Variants in CSMD1 observed in about 807,000 individuals in gnomAD.
CSMD1 encodes CUB and sushi domain-containing protein 1.
A neutral mutation model predicts 417.5 loss-of-function variants in CSMD1; 213 were observed. That is an observed-to-expected ratio of 0.51 (90% confidence interval 0.46 to 0.57). The LOEUF (loss-of-function observed/expected upper bound fraction) is 0.57, where lower values mean the gene tolerates loss of function less well. CSMD1 is among the 20% of genes least tolerant of loss of function. CSMD1 has a pLI of 0.00. For synonymous variants in CSMD1, 2,862 were observed against 1,736.8 expected (o/e 1.65, Z -16.11); for missense variants, 6,923 against 4,529.7 (o/e 1.53, Z -15.17).
intron 25 of CSMD1, among the ~76,000 whole-genome samples, chr8:3,299,730 C>G (rs1245362234): frequency 6.6e-6 from 1 of 152,040 alleles, no homozygotes; most frequent in Non-Finnish European, 1.5e-5. Flanking sequence ...AGTCACTAAC[C>G]AAATGTATTC....
At chr8:3,290,668 T>G (rs1054194662) in intron 25 of CSMD1, among the ~76,000 whole-genome samples, 3 of 147,436 alleles carry the variant, frequency 2.0e-5, no homozygotes, top group Non-Finnish European at 4.4e-5. Flanking sequence ...TTTTTGCACA[T>G]TGATTTTGTA....
At chr8:3,919,305 A>G (rs2129143175) in intron 5 of CSMD1, among the ~76,000 whole-genome samples, 1 of 151,782 alleles carries the variant, frequency 6.6e-6, no homozygotes, top group South Asian at 2.1e-4. Flanking sequence ...GAAGTCCTTC[A>G]TCAATTTTGT....
intron 3 of CSMD1, among the ~76,000 whole-genome samples, chr8:4,249,905 C>T (rs1028236272): frequency 1.3e-5 from 2 of 152,134 alleles, no homozygotes; most frequent in Non-Finnish European, 2.9e-5. Context: ...GTGCTAGAAG[C>T]TGGGAGCTCC....
rs1356205758 is a variant in CSMD1 at position 3,607,858 on chromosome 8, G to C, written c.1097+8852C>G. Reference sequence around the variant, plus strand: ...GTGGCAGAAAGGAGATGATACTTGAGGAAGAACATGACTAAGAAGTAAAGG... The same window carrying C: ...GTGGCAGAAAGGAGATGATACTTGACGAAGAACATGACTAAGAAGTAAAGG... On this transcript the variant is annotated intron_variant, in intron 8 of 69. Coordinates refer to ENST00000635120, the MANE Select transcript of CSMD1 (RefSeq NM_033225.6). Among the ~76,000 whole-genome samples, 3 of 152,096 alleles carry C rather than the reference G, an allele frequency of 2.0e-5. No homozygotes were observed. The East Asian group carries it at 5.8e-4, about 29-fold the overall frequency.
chr8:4,631,273 A>G (rs1802496081), intron 2 of CSMD1, among the ~76,000 whole-genome samples: 1 of 152,102 alleles, frequency 6.6e-6, no homozygotes, highest in Admixed American at 6.6e-5. Flanking sequence ...GAGGCAGGAG[A>G]ATCGCTGGAA....
chr8:3,984,965 G>C (rs67915099), intron 5 of CSMD1, among the ~76,000 whole-genome samples: 42,174 of 151,732 alleles, frequency 0.28, 5,916 homozygotes, highest in East Asian at 0.39. Context: ...ATTTGGTGAA[G>C]ACTTGGGAAA....
At chr8:4,115,428 T>C (rs1013655657) in intron 3 of CSMD1, among the ~76,000 whole-genome samples, 80 of 152,232 alleles carry the variant, frequency 5.3e-4, no homozygotes, top group African/African-American at 1.9e-3. Flanking sequence ...CATTTTATAG[T>C]CTAAAACTGA....
chr8:4,705,217 T>C (rs755892713), intron 1 of CSMD1, among the ~76,000 whole-genome samples: 1 of 152,186 alleles, frequency 6.6e-6, no homozygotes, highest in African/African-American at 2.4e-5. Flanking sequence ...GTGAGTCAAT[T>C]AGACCTCCTT....
At chr8:4,973,760 C>T (rs574238807) in intron 1 of CSMD1, among the ~76,000 whole-genome samples, 1 of 151,996 alleles carries the variant, frequency 6.6e-6, no homozygotes, top group South Asian at 2.1e-4. Flanking sequence ...TTTTATTCAC[C>T]CAAAGATGTA....
intron 1 of CSMD1, among the ~76,000 whole-genome samples, chr8:4,974,520 CATA>C (rs35830130): frequency 0.47 from 70,975 of 151,602 alleles, 17,290 homozygotes; most frequent in Middle Eastern, 0.58. Context: ...TTATTTTTAA[CATA>C]ATAACGTGAG....
Position 3,708,240 on chromosome 8 carries a change from G to T in CSMD1, c.1009+174C>A, listed in dbSNP as rs558582138. ...GTTAGAACCACCACGACATTCCTCC[G>T]TAACAAAGTGAAGTTAGTGCATGTT... On this transcript the variant is annotated intron_variant, in intron 7 of 69. Transcript: ENST00000635120. Among the ~76,000 whole-genome samples, 195 of 152,248 alleles carry T rather than the reference G, an allele frequency of 1.3e-3. 3 individuals are homozygous for T. The highest frequency in any genetic ancestry group is 3.4e-3 in the Middle Eastern group (1 of 294).
chr8:4,154,135 G>T (rs184573994), intron 3 of CSMD1, among the ~76,000 whole-genome samples: 1 of 152,172 alleles, frequency 6.6e-6, no homozygotes, highest in Non-Finnish European at 1.5e-5. Context: ...TGCGACAGCT[G>T]AGGGTGAGAT....
At chr8:4,950,721 G>C (rs7004535) in intron 1 of CSMD1, among the ~76,000 whole-genome samples, 131,318 of 152,098 alleles carry the variant, frequency 0.86, 57,732 homozygotes, top group Non-Finnish European at 0.96. Context: ...GTTGGTCATT[G>C]AATACCACGC....
intron 12 of CSMD1, among the ~76,000 whole-genome samples, chr8:3,447,717 T>C (rs1008261963): frequency 1.4e-4 from 21 of 152,188 alleles, no homozygotes; most frequent in African/African-American, 4.6e-4. Flanking sequence ...TTCAGCCCTG[T>C]TGCAGGGATG....
chr8:4,917,451 G>A (rs1202428675), intron 1 of CSMD1, among the ~76,000 whole-genome samples: 4 of 152,024 alleles, frequency 2.6e-5, no homozygotes, highest in African/African-American at 4.8e-5. Flanking sequence ...TGGCTAACAC[G>A]GTGAAACTCC....
Position 3,795,326 on chromosome 8 carries a change from GATATCTATCATGTAGATATAGATAT to G in CSMD1, c.819-41309_819-41285del, listed in dbSNP as rs1262611953. On this transcript the variant is annotated intron_variant, in intron 5 of 69. Coordinates refer to ENST00000635120, the MANE Select transcript of CSMD1 (RefSeq NM_033225.6). Reference sequence around the variant, plus strand: ...TATATATCTATCATGTACAGATATAGATATCTATCATGTAGATATAGATATATATCTATCATGTATATAGATATAT... The same window carrying G: ...TATATATCTATCATGTACAGATATAGATATCTATCATGTATATAGATATAT... Among the ~76,000 whole-genome samples, 27 of 22,642 alleles carry G rather than the reference GATATCTATCATGTAGATATAGATAT, an allele frequency of 1.2e-3. 7 individuals carry two copies. The South Asian group carries it at 0.02, about 17-fold the overall frequency. 14.9% of individuals were successfully genotyped at this position (22,642 alleles called of 152,430 possible).
At position 3,108,829 on chromosome 8, in the gene CSMD1, A is replaced by G. The variant is rs532101147; in HGVS notation, c.6609-81T>C. 227 of 1,373,032 alleles carry G rather than the reference A, an allele frequency of 1.7e-4. No individual in the cohort carries two copies. In the African/African-American group the frequency reaches 3.0e-3, roughly 18 times the overall value. The allele number at this position is 1,373,032 out of a possible 1,614,324, so 85.1% of individuals were successfully genotyped here. A position where few individuals can be genotyped will look rare whatever the true frequency, so the allele number is the denominator to read the frequency against. ...TATGGAAACTTTGGCTAATGAATTA[A>G]TTTTTTTAATAAAAGCAATAAAACA... is the stretch of plus-strand genomic sequence containing the variant. On this transcript the variant is annotated intron_variant, in intron 43 of 69. Coordinates refer to ENST00000635120, the MANE Select transcript of CSMD1 (RefSeq NM_033225.6).
At chr8:4,817,434 T>A (rs752000048) in intron 1 of CSMD1, among the ~76,000 whole-genome samples, 1 of 152,250 alleles carries the variant, frequency 6.6e-6, no homozygotes, top group Non-Finnish European at 1.5e-5. Context: ...AGTGTTTTCA[T>A]AGAAGTAGGA....
chr8:4,289,741 T>C (rs1406670516), intron 3 of CSMD1, among the ~76,000 whole-genome samples: 3 of 152,302 alleles, frequency 2.0e-5, no homozygotes, highest in East Asian at 3.9e-4. Flanking sequence ...GGTAATGCAT[T>C]GTGAATAAAA....
Sources: allele counts gnomAD v4.1 joint callset (sites outside exome capture counted in the v4.1 genomes callset), GRCh38; gene constraint gnomAD v4.1.1; transcripts MANE v1.5; gene names NCBI Gene and HGNC (gene_info 2026-07-23, HGNC 2026-07-21).